The following CSRNP3 variants were observed in gnomAD, a reference collection of about 807,000 sequenced individuals.
The protein encoded by CSRNP3 is cysteine and serine rich nuclear protein 3.
Under a neutral mutation model 48.0 loss-of-function variants are expected in CSRNP3, and 12 were observed. The observed-to-expected ratio is 0.25, with a 90% CI of 0.16 to 0.41. CSRNP3 has a LOEUF of 0.41. Ranked by LOEUF, CSRNP3 falls within the 10% of genes least tolerant of loss-of-function variation. The pLI is 1.00. For missense variants in CSRNP3, 580 were observed against 724.4 expected (o/e 0.80, Z 2.29); for synonymous variants, 263 against 269.7 (o/e 0.98, Z 0.24).
chr2:165,623,822 A>G (rs1403433538), intron 4 of CSRNP3, among the ~76,000 whole-genome samples: 1 of 152,142 alleles, frequency 6.6e-6, no homozygotes, highest in Non-Finnish European at 1.5e-5. Flanking sequence ...GCTGTTGTCT[A>G]GGCTTTTTGT....
At chr2:165,566,253 C>A (rs1685296551) in intron 3 of CSRNP3, among the ~76,000 whole-genome samples, 1 of 151,974 alleles carries the variant, frequency 6.6e-6, no homozygotes, top group Admixed American at 6.6e-5. Flanking sequence ...TAGTTTCCTT[C>A]ACACATACAT....
At chr2:165,567,160 A>G (rs1685307835) in intron 3 of CSRNP3, among the ~76,000 whole-genome samples, 1 of 152,102 alleles carries the variant, frequency 6.6e-6, no homozygotes, top group Non-Finnish European at 1.5e-5. Context: ...ATTTGACTTT[A>G]GCATATGCTA....
At chr2:165,635,612 TTTTA>T (rs1325485809) in intron 4 of CSRNP3, among the ~76,000 whole-genome samples, 1 of 152,180 alleles carries the variant, frequency 6.6e-6, no homozygotes, top group Non-Finnish European at 1.5e-5. Flanking sequence ...CGATACCCTA[TTTTA>T]TTTATTATAT....
At chr2:165,617,525 T>G (rs992497134) in intron 4 of CSRNP3, among the ~76,000 whole-genome samples, 3 of 152,142 alleles carry the variant, frequency 2.0e-5, no homozygotes, top group Admixed American at 2.0e-4. Context: ...GGCAGGACAA[T>G]CCTCAGGCCC....
chr2:165,503,703 CA>C (rs1027679061), intron 2 of CSRNP3, among the ~76,000 whole-genome samples: 1 of 151,984 alleles, frequency 6.6e-6, no homozygotes, highest in African/African-American at 2.4e-5. Flanking sequence ...ATTTTATGCA[CA>C]GCAGAATTTT....
chr2:165,662,903 G>A (rs1687120275), intron 5 of CSRNP3, among the ~76,000 whole-genome samples: 1 of 151,990 alleles, frequency 6.6e-6, no homozygotes, highest in South Asian at 2.1e-4. Flanking sequence ...TGAGTAATGT[G>A]TGGCTGTTAC....
chr2:165,657,661 T>C (rs890377322), intron 4 of CSRNP3, 100 bp from the exon 5 acceptor site: 6 of 1,429,746 alleles, frequency 4.2e-6, no homozygotes, highest in Non-Finnish European at 5.8e-6. Flanking sequence ...CCAACAAGGG[T>C]TGGCCACAGA....
At chr2:165,664,560 A>G (rs1687147865) in intron 5 of CSRNP3, among the ~76,000 whole-genome samples, 1 of 152,082 alleles carries the variant, frequency 6.6e-6, no homozygotes, top group African/African-American at 2.4e-5. Flanking sequence ...TGGGCTCTAT[A>G]TGTTTCTGTT....
intron 1 of CSRNP3, among the ~76,000 whole-genome samples, chr2:165,477,466 A>AATATATAT (rs34169125): frequency 2.9e-4 from 38 of 131,106 alleles, no homozygotes; most frequent in South Asian, 1.6e-3. Flanking sequence ...TAAAAATACA[A>AATATATAT]ATATATATAT....
At chr2:165,520,918 C>T (rs1173422577) in intron 3 of CSRNP3, among the ~76,000 whole-genome samples, 2 of 149,342 alleles carry the variant, frequency 1.3e-5, no homozygotes, top group African/African-American at 4.9e-5. Flanking sequence ...GCCTCAACCT[C>T]CTGGGCTCAA....
intron 4 of CSRNP3, among the ~76,000 whole-genome samples, chr2:165,616,422 A>G (rs1686244735): frequency 6.6e-6 from 1 of 152,156 alleles, no homozygotes; most frequent in African/African-American, 2.4e-5. Context: ...TCCAGATGTT[A>G]GACTTCCTGA....
chr2:165,546,569 T>C (rs1482014078), intron 3 of CSRNP3, among the ~76,000 whole-genome samples: 1 of 152,206 alleles, frequency 6.6e-6, no homozygotes, highest in African/African-American at 2.4e-5. Flanking sequence ...CCGAGTCAGA[T>C]TCATTCTAAA....
chr2:165,659,043 G>A (rs1361932674), intron 5 of CSRNP3, among the ~76,000 whole-genome samples: 2 of 152,104 alleles, frequency 1.3e-5, no homozygotes, highest in Non-Finnish European at 2.9e-5. Flanking sequence ...ACCATATTAA[G>A]GTATTTTTTC....
intron 1 of CSRNP3, among the ~76,000 whole-genome samples, chr2:165,484,802 T>G (rs1684091262): frequency 6.6e-6 from 1 of 152,202 alleles, no homozygotes; most frequent in African/African-American, 2.4e-5. Context: ...ATGGAATCAT[T>G]ACAACATCGC....
At chr2:165,574,308 C>G in intron 3 of CSRNP3, 3 of 1,435,734 alleles carry the variant, frequency 2.1e-6, no homozygotes, top group Admixed American at 2.0e-5. Flanking sequence ...GGATCAGTTG[C>G]CTGAAAAAAA....
intron 5 of CSRNP3, among the ~76,000 whole-genome samples, chr2:165,665,196 G>A (rs1309292932): frequency 1.3e-5 from 2 of 152,172 alleles, no homozygotes; most frequent in East Asian, 1.9e-4. Flanking sequence ...TGACCCCCAG[G>A]GAGAAACATT....
At chr2:165,632,155 A>T (rs919919880) in intron 4 of CSRNP3, among the ~76,000 whole-genome samples, 2 of 152,220 alleles carry the variant, frequency 1.3e-5, no homozygotes, top group Admixed American at 6.5e-5. Context: ...CATAGGTATT[A>T]ATTCTGAATT....
intron 3 of CSRNP3, among the ~76,000 whole-genome samples, chr2:165,546,429 G>T (rs1685026880): frequency 6.6e-6 from 1 of 152,088 alleles, no homozygotes; most frequent in South Asian, 2.1e-4. Flanking sequence ...CTGACCTTGT[G>T]ATCCACCCGC....
At chr2:165,496,118 G>A (rs1001404883) in intron 2 of CSRNP3, among the ~76,000 whole-genome samples, 1 of 151,904 alleles carries the variant, frequency 6.6e-6, no homozygotes, top group African/African-American at 2.4e-5. Context: ...CTCCATCACT[G>A]TTAGAATAAT....
Sources: allele counts gnomAD v4.1 joint callset (sites outside exome capture counted in the v4.1 genomes callset), GRCh38; gene constraint gnomAD v4.1.1; transcripts MANE v1.5; gene names NCBI Gene and HGNC (gene_info 2026-07-23, HGNC 2026-07-21).